Variants in FAM222B observed in about 807,000 individuals in gnomAD.
FAM222B encodes protein FAM222B.
In FAM222B, 12 loss-of-function variants were observed where a neutral mutation model predicts 38.0. The ratio of observed to expected loss-of-function variants is 0.32; its 90% CI spans 0.20 to 0.51. The LOEUF (loss-of-function observed/expected upper bound fraction) is 0.51, where lower values mean the gene tolerates loss of function less well. FAM222B is among the 20% of genes least tolerant of loss of function. FAM222B has a pLI of 0.97. For missense variants in FAM222B, 716 were observed against 754.2 expected (o/e 0.95, Z 0.59); for synonymous variants, 329 against 317.2 (o/e 1.04, Z -0.40).
intron 1 of FAM222B, among the ~76,000 whole-genome samples, chr17:28,806,004 A>T (rs2037480451): frequency 6.6e-6 from 1 of 152,054 alleles, no homozygotes; most frequent in South Asian, 2.1e-4. Flanking sequence ...AGCTGGGCAC[A>T]TGGTGCATGT....
chr17:28,850,834 T>A (rs1295207079), intron 1 of FAM222B, among the ~76,000 whole-genome samples: 1 of 152,118 alleles, frequency 6.6e-6, no homozygotes, highest in Non-Finnish European at 1.5e-5. Context: ...TGTAAAAAAA[T>A]GTTCCGCCAG....
intron 1 of FAM222B, among the ~76,000 whole-genome samples, chr17:28,817,754 G>A (rs1013762510): frequency 6.6e-6 from 1 of 152,072 alleles, no homozygotes; most frequent in Non-Finnish European, 1.5e-5. Flanking sequence ...CTACAACAGA[G>A]AATGCAGAGT....
chr17:28,799,284 T>C (rs1364836432), intron 1 of FAM222B, among the ~76,000 whole-genome samples: 23 of 145,976 alleles, frequency 1.6e-4, no homozygotes. Context: ...CTTGTTTTTG[T>C]AACACAGAAA....
At chr17:28,792,500 G>A (rs561790953) in intron 1 of FAM222B, among the ~76,000 whole-genome samples, 1 of 151,744 alleles carries the variant, frequency 6.6e-6, no homozygotes, top group Admixed American at 6.6e-5. Context: ...AAACAAACAA[G>A]TTGGGCGCAG....
chr17:28,836,859 T>C (rs1242606095), intron 1 of FAM222B, among the ~76,000 whole-genome samples: 1 of 152,100 alleles, frequency 6.6e-6, no homozygotes, highest in African/African-American at 2.4e-5. Flanking sequence ...AAGACCCATA[T>C]TGGGCATAAG....
chr17:28,778,332 T>G (rs2035990227), intron 1 of FAM222B, among the ~76,000 whole-genome samples: 2 of 151,924 alleles, frequency 1.3e-5, no homozygotes, highest in South Asian at 4.2e-4. Context: ...CACTTATGAG[T>G]GAGAACATGC....
intron 1 of FAM222B, among the ~76,000 whole-genome samples, chr17:28,811,371 C>A (rs568942660): frequency 6.5e-4 from 99 of 152,202 alleles, no homozygotes; most frequent in African/African-American, 2.3e-3. Context: ...ACCCTGGAGG[C>A]AGAGGTTGCA....
At chr17:28,816,734 C>T (rs945423946) in intron 1 of FAM222B, among the ~76,000 whole-genome samples, 1 of 152,060 alleles carries the variant, frequency 6.6e-6, no homozygotes, top group African/African-American at 2.4e-5. Context: ...TTACAGAATT[C>T]AAACACCCAT....
chr17:28,824,503 T>C lies in FAM222B; in HGVS notation c.-41+18179A>G, dbSNP rs956418157. ...GTCCAAGAATTTTTGACAATTATATTCTGCTAGTCTTACCCATATCAATTA... is the reference window on the plus strand; with the variant it reads ...GTCCAAGAATTTTTGACAATTATATCCTGCTAGTCTTACCCATATCAATTA... On this transcript the variant is annotated intron_variant, in intron 1 of 2. Transcript: ENST00000581407. Among the ~76,000 whole-genome samples, 3 of 152,086 alleles carry C rather than the reference T, an allele frequency of 2.0e-5. No individual in the cohort carries two copies. The East Asian group carries it at 5.8e-4, about 29-fold the overall frequency.
At chr17:28,768,313 G>A (rs922741961) in intron 1 of FAM222B, among the ~76,000 whole-genome samples, 1 of 152,162 alleles carries the variant, frequency 6.6e-6, no homozygotes, top group Admixed American at 6.6e-5. Flanking sequence ...TTGTCATGAT[G>A]AGTATCAGAG....
At chr17:28,843,965 G>A (rs1790296008), upstream of FAM222B, among the ~76,000 whole-genome samples, 1 of 152,162 alleles carries the variant, frequency 6.6e-6, no homozygotes, top group Non-Finnish European at 1.5e-5. Flanking sequence ...AAATGTTCTA[G>A]GCATCGCGTG....
intron 1 of FAM222B, among the ~76,000 whole-genome samples, chr17:28,819,003 T>C (rs2038126201): frequency 6.6e-6 from 1 of 152,134 alleles, no homozygotes; most frequent in Non-Finnish European, 1.5e-5. Context: ...CACAATCCTA[T>C]AATCTGTCAG....
chr17:28,809,431 A>T (rs2151920352), intron 1 of FAM222B, among the ~76,000 whole-genome samples: 1 of 152,300 alleles, frequency 6.6e-6, no homozygotes, highest in South Asian at 2.1e-4. Flanking sequence ...AGAAAATTAA[A>T]TCAACTGCTT....
At chr17:28,839,522 C>T (rs1006767959) in intron 1 of FAM222B, among the ~76,000 whole-genome samples, 1 of 152,022 alleles carries the variant, frequency 6.6e-6, no homozygotes, top group Non-Finnish European at 1.5e-5. Context: ...GGCATTTATG[C>T]GCTTATTTGA....
At chr17:28,763,703 T>G (rs2035191598) in intron 2 of FAM222B, among the ~76,000 whole-genome samples, 1 of 152,176 alleles carries the variant, frequency 6.6e-6, no homozygotes, top group South Asian at 2.1e-4. Flanking sequence ...TGACAAACCC[T>G]CTCTCTATAC....
At chr17:28,771,328 A>G (rs1028061760) in intron 1 of FAM222B, among the ~76,000 whole-genome samples, 4 of 152,204 alleles carry the variant, frequency 2.6e-5, no homozygotes, top group Non-Finnish European at 5.9e-5. Flanking sequence ...GTGTGTATCA[A>G]TGTTAAGTGA....
rs867094315 is a variant in FAM222B at position 28,790,085 on chromosome 17, A to T, written c.-40-23378T>A. Among the ~76,000 whole-genome samples the T allele has an allele frequency of 9.9e-5, 15 of 152,056 alleles. 1 individual carries two copies. The highest frequency in any genetic ancestry group is 3.9e-4 in the Admixed American group (6 of 15,248). On this transcript the variant is annotated intron_variant, in intron 1 of 2. Transcript: ENST00000581407. ...TTATGATTAAACATATATTTATATAATTTTTTTTCTTGATTTACTGGCCAA... is the reference window on the plus strand; with the variant it reads ...TTATGATTAAACATATATTTATATATTTTTTTTTCTTGATTTACTGGCCAA...
chr17:28,769,957 T>C (rs898659600), intron 1 of FAM222B, among the ~76,000 whole-genome samples: 7 of 152,356 alleles, frequency 4.6e-5, no homozygotes, highest in African/African-American at 1.7e-4. Context: ...AGGGCTTCTT[T>C]GACCTCCATG....
intron 1 of FAM222B, among the ~76,000 whole-genome samples, chr17:28,780,965 A>G (rs1294125671): frequency 6.6e-6 from 1 of 152,096 alleles, no homozygotes. Flanking sequence ...CATACATCCA[A>G]TAAGGGGTTA....
Sources: allele counts gnomAD v4.1 joint callset (sites outside exome capture counted in the v4.1 genomes callset), GRCh38; gene constraint gnomAD v4.1.1; transcripts MANE v1.5; gene names NCBI Gene and HGNC (gene_info 2026-07-23, HGNC 2026-07-21).